Variants in BBOF1 observed in about 807,000 individuals in gnomAD.
The protein encoded by BBOF1 is basal body orientation factor 1, also known as basal body-orientation factor 1.
BBOF1 carries 62 observed loss-of-function variants against 68.0 expected under a neutral mutation model. The observed-to-expected ratio is 0.91, with a 90% CI of 0.74 to 1.13. The LOEUF is 1.13. Ranked by LOEUF, BBOF1 falls within the 50% of genes most tolerant of loss-of-function variation. The pLI, the probability that BBOF1 is intolerant of heterozygous loss-of-function variation, is 0.00. For missense variants in BBOF1, 534 were observed against 600.1 expected (o/e 0.89, Z 1.15); for synonymous variants, 208 against 198.8 (o/e 1.05, Z -0.39).
chr14:74,042,735 G>A (rs1387391312), intron 5 of BBOF1, among the ~76,000 whole-genome samples: 1 of 152,096 alleles, frequency 6.6e-6, no homozygotes, highest in East Asian at 1.9e-4. Context: ...TTGAGCCCAG[G>A]AATTCGGGGC....
rs1002419864 is a variant in BBOF1 at position 74,073,567 on chromosome 14, T to C, written n.1380-4629T>C. ...CTCTGTTAATAAAGATTAGCTATTA[T>C]GACTTTTTGGCCCAGCTGACTGTTA... On this transcript the variant is annotated intron_variant and non_coding_transcript_variant, in intron 9 of 12. Coordinates refer to the BBOF1 transcript ENST00000492026. 2.6e-5 allele frequency among the ~76,000 whole-genome samples: 4 copies of C among 152,340 alleles called. No individual in the cohort carries two copies. In the East Asian group the frequency reaches 7.7e-4, roughly 29 times the overall value.
At chr14:74,054,139 G>A (rs541634070) in intron 8 of BBOF1, among the ~76,000 whole-genome samples, 2 of 151,848 alleles carry the variant, frequency 1.3e-5, no homozygotes, top group Non-Finnish European at 2.9e-5. Flanking sequence ...TCCTCCCAAA[G>A]TGCTAGTATT....
intron 3 of BBOF1, among the ~76,000 whole-genome samples, chr14:74,031,350 C>T (rs75773875): frequency 0.077 from 11,710 of 152,024 alleles, 618 homozygotes; most frequent in South Asian, 0.26. Context: ...TGGCCTTAAG[C>T]GATCCTTCCA....
intron 11 of BBOF1, chr14:74,057,662 T>C (rs879046140): frequency 7.6e-6 from 10 of 1,323,248 alleles, no homozygotes; most frequent in South Asian, 2.5e-5. Context: ...TTAAGCCAAG[T>C]TTTTCTCTTT....
At chr14:74,021,203 A>G (rs1419045618) in intron 1 of BBOF1, among the ~76,000 whole-genome samples, 1 of 152,192 alleles carries the variant, frequency 6.6e-6, no homozygotes, top group African/African-American at 2.4e-5. Context: ...TACAATAAAT[A>G]TTTAGAAAAA....
chr14:74,026,210 A>G (rs571802886), intron 2 of BBOF1, among the ~76,000 whole-genome samples: 4 of 151,706 alleles, frequency 2.6e-5, no homozygotes, highest in Non-Finnish European at 4.4e-5. Flanking sequence ...TGGGAGTCCA[A>G]GGCGGGTGGA....
downstream of BBOF1, among the ~76,000 whole-genome samples, chr14:74,068,600 G>A (rs745402290): frequency 6.6e-6 from 1 of 151,852 alleles, no homozygotes; most frequent in Non-Finnish European, 1.5e-5. Flanking sequence ...AAAATTAGCC[G>A]GGCGCTGTGG....
intron 2 of BBOF1, among the ~76,000 whole-genome samples, chr14:74,028,761 T>A (rs1595019173): frequency 6.6e-6 from 1 of 150,946 alleles, no homozygotes; most frequent in South Asian, 2.1e-4. Context: ...CGGGCTGGAG[T>A]GCAATGACGC....
chr14:74,049,863 G>A lies in BBOF1; in HGVS notation c.954G>A (p.Met318Ile), dbSNP rs1566811991. 1 of 1,614,134 alleles carries A rather than the reference G, an allele frequency of 6.2e-7. No individual in the cohort carries two copies. The highest frequency in any genetic ancestry group is 8.5e-7 in the Non-Finnish European group (1 of 1,180,032). Reference sequence around the variant, plus strand: ...TTTTAAAACTGCAGCAACACGCAATGATAGAGAACCAAGCAGGTCAGGTAG... The same window carrying A: ...TTTTAAAACTGCAGCAACACGCAATAATAGAGAACCAAGCAGGTCAGGTAG... ...SEVLKLQQHA[M>I]IENQAGQVEI... Residue 318 changes from methionine to isoleucine, a missense_variant, in exon 8 of 12, where the codon ATG becomes ATA. By Grantham distance (10) the Met-to-Ile change is conservative. Coordinates refer to ENST00000394009, the MANE Select transcript of BBOF1 (RefSeq NM_025057.3).
chr14:74,064,472 T>G (rs1231309424), intron 11 of BBOF1, among the ~76,000 whole-genome samples: 1 of 152,026 alleles, frequency 6.6e-6, no homozygotes, highest in Non-Finnish European at 1.5e-5. Context: ...GGAGGAGATT[T>G]TCTGGAGGAG....
rs564150185 is a variant in BBOF1 at position 74,062,244 on chromosome 14, C to T, written c.1579-2444C>T. Among the ~76,000 whole-genome samples the T allele has an allele frequency of 5.9e-5, 9 of 151,886 alleles. 1 individual carries two copies. In the South Asian group the frequency reaches 1.7e-3, roughly 28 times the overall value. ...GGGTGGGCAGGGAACAATTTTTAAA[C>T]AATAGTTGTACTCTGTTTTGCTTAA... On this transcript the variant is annotated intron_variant, in intron 11 of 11. Transcript: ENST00000394009.
Position 74,065,555 on chromosome 14 carries a change from A to C in BBOF1, c.*856A>C, listed in dbSNP as rs922603873. ...TATTCCGTCTTCCAAGTTACCAATCATATAAACAACTTGGAATTCCTATCA... is the reference window on the plus strand; with the variant it reads ...TATTCCGTCTTCCAAGTTACCAATCCTATAAACAACTTGGAATTCCTATCA... On this transcript the variant is annotated 3_prime_UTR_variant, in exon 12 of 12. Coordinates refer to ENST00000394009, the MANE Select transcript of BBOF1 (RefSeq NM_025057.3). 1 of 594,374 alleles carries C rather than the reference A, an allele frequency of 1.7e-6. No individual in the cohort carries two copies. The highest frequency in any genetic ancestry group is 2.9e-5 in the East Asian group (1 of 34,146). 36.8% of individuals were successfully genotyped at this position (594,374 alleles called of 1,614,324 possible).
At chr14:74,046,318 T>C (rs553560656) in intron 6 of BBOF1, among the ~76,000 whole-genome samples, 188 bp downstream of exon 6, 1 of 152,342 alleles carries the variant, frequency 6.6e-6, no homozygotes, top group Admixed American at 6.5e-5. Context: ...ACTCTTTCTG[T>C]GGCAGCATTG....
At chr14:74,019,620 C>A in intron 1 of BBOF1, 86 bp downstream of exon 1, 1 of 1,533,478 alleles carries the variant, frequency 6.5e-7, no homozygotes, top group Non-Finnish European at 8.8e-7. Context: ...GCCCCCCGCG[C>A]CGGCCCACTC....
chr14:74,045,981 T>A, intron 5 of BBOF1, 79 bp from the exon 6 acceptor site: 1 of 1,298,994 alleles, frequency 7.7e-7, no homozygotes, highest in Admixed American at 2.4e-5. Flanking sequence ...TTATTTGACA[T>A]TCTAAAATAA....
intron 9 of BBOF1, among the ~76,000 whole-genome samples, chr14:74,075,881 C>T (rs964308190): frequency 6.6e-6 from 1 of 152,054 alleles, no homozygotes; most frequent in Non-Finnish European, 1.5e-5. Flanking sequence ...TATTCATACA[C>T]TGGAATACTA....
chr14:74,073,317 C>T (rs1222857221), intron 9 of BBOF1, among the ~76,000 whole-genome samples: 1 of 151,908 alleles, frequency 6.6e-6, no homozygotes. Flanking sequence ...TATTGCCTGG[C>T]TGGTCTCGAA....
At chr14:74,080,829 T>TA (rs1192892702) in intron 10 of BBOF1, among the ~76,000 whole-genome samples, 1 of 152,204 alleles carries the variant, frequency 6.6e-6, no homozygotes, top group African/African-American at 2.4e-5. Flanking sequence ...TTCCCTTGTT[T>TA]AAAATTCTTC....
At chr14:74,034,966 C>T (rs2059661911) in intron 4 of BBOF1, among the ~76,000 whole-genome samples, 1 of 152,014 alleles carries the variant, frequency 6.6e-6, no homozygotes, top group Non-Finnish European at 1.5e-5. Flanking sequence ...GTGGCTCGTG[C>T]GTATAGTCCC....
Sources: gnomAD v4.1 joint callset for allele counts (sites outside exome capture counted in the v4.1 genomes callset) on GRCh38, gnomAD v4.1.1 for gene constraint, MANE v1.5 for transcripts, NCBI Gene and HGNC (gene_info 2026-07-23, HGNC 2026-07-21) for gene names.